CEP170: variants seen among roughly 807,000 people sequenced by gnomAD.
CEP170 encodes centrosomal protein 170, also known as centrosomal protein of 170 kDa.
A neutral mutation model predicts 151.9 loss-of-function variants in CEP170; 21 were observed. That is an observed-to-expected ratio of 0.14 (90% CI 0.10 to 0.20). The LOEUF (loss-of-function observed/expected upper bound fraction) is 0.20. Ranked by LOEUF, CEP170 falls within the 10% of genes least tolerant of loss-of-function variation. The probability of loss-of-function intolerance (pLI) is 1.00; values close to 1 mark genes in which losing one functional copy is unlikely to be tolerated. For missense variants in CEP170, 964 were observed against 1,892.9 expected (o/e 0.51, Z 9.11); for synonymous variants, 356 against 648.8 (o/e 0.55, Z 6.86).
intron 19 of CEP170, among the ~76,000 whole-genome samples, 172 bp downstream of exon 19, chr1:243,128,077 T>G (rs885166): frequency 0.11 from 16,507 of 152,234 alleles, 1,076 homozygotes; most frequent in Non-Finnish European, 0.14. Flanking sequence ...ATTTTTATAC[T>G]GGGTTTAAAA....
At chr1:243,227,202 G>A (rs932364111) in intron 1 of CEP170, among the ~76,000 whole-genome samples, 1 of 151,970 alleles carries the variant, frequency 6.6e-6, no homozygotes, top group Non-Finnish European at 1.5e-5. Flanking sequence ...TTAAGCTCAT[G>A]ATGGCAGAAT....
intron 7 of CEP170, among the ~76,000 whole-genome samples, chr1:243,196,657 T>A (rs1020796289): frequency 1.3e-5 from 2 of 152,136 alleles, no homozygotes; most frequent in African/African-American, 4.8e-5. Context: ...GTGATAATTA[T>A]ATTCAGCTAT....
chr1:243,159,763 T>TGTGTGTGTGTGTGTGTGTGTGTGTGTG (rs2057892319), intron 13 of CEP170, among the ~76,000 whole-genome samples: 4 of 127,164 alleles, frequency 3.1e-5, no homozygotes, highest in East Asian at 4.7e-4. Flanking sequence ...GTTTCCGGTT[T>TGTGTGTGTGTGTGTGTGTGTGTGTGTG]TGTGTGTGTG....
At chr1:243,216,090 A>T (rs2062254108) in intron 3 of CEP170, among the ~76,000 whole-genome samples, 1 of 152,124 alleles carries the variant, frequency 6.6e-6, no homozygotes, top group Non-Finnish European at 1.5e-5. Context: ...AAATTTATAG[A>T]ACACAGAACA....
intron 13 of CEP170, among the ~76,000 whole-genome samples, chr1:243,158,664 A>G (rs1343011467): frequency 5.9e-5 from 9 of 152,208 alleles, no homozygotes; most frequent in African/African-American, 1.9e-4. Flanking sequence ...CATTTTGAGG[A>G]AAAAAGTACG....
chr1:243,130,215 T>C (rs902544751), intron 17 of CEP170, among the ~76,000 whole-genome samples: 2 of 152,148 alleles, frequency 1.3e-5, no homozygotes, highest in Non-Finnish European at 2.9e-5. Flanking sequence ...GTATAAACAA[T>C]TGTGTCTGTT....
intron 4 of CEP170, chr1:243,211,139 G>A (rs1572329441): frequency 6.7e-6 from 1 of 148,506 alleles, no homozygotes; most frequent in African/African-American, 2.5e-5. Context: ...TCAGCATTAT[G>A]TGGAATAGCT....
At chr1:243,253,581 C>T (rs2066156829) in intron 1 of CEP170, among the ~76,000 whole-genome samples, 1 of 152,172 alleles carries the variant, frequency 6.6e-6, no homozygotes. Flanking sequence ...CAGAAAAATA[C>T]ATAAGTTGCT....
chr1:243,158,721 G>A (rs547387125), intron 13 of CEP170, among the ~76,000 whole-genome samples: 3 of 152,190 alleles, frequency 2.0e-5, no homozygotes, highest in Admixed American at 2.0e-4. Context: ...TCATAGGCTG[G>A]TCTACCTAGA....
At chr1:243,189,772 G>C (rs1188447792) in intron 8 of CEP170, among the ~76,000 whole-genome samples, 1 of 151,908 alleles carries the variant, frequency 6.6e-6, no homozygotes, top group Non-Finnish European at 1.5e-5. Flanking sequence ...TGTACTAGGA[G>C]ATCAATATTA....
intron 1 of CEP170, among the ~76,000 whole-genome samples, chr1:243,238,313 G>T (rs552241190): frequency 1.3e-5 from 2 of 152,236 alleles, no homozygotes; most frequent in Non-Finnish European, 2.9e-5. Context: ...TAAATAAATT[G>T]CCAGGTGTGG....
At chr1:243,226,049 A>G (rs570258374) in intron 1 of CEP170, among the ~76,000 whole-genome samples, 1 of 9,828 alleles carries the variant, frequency 1.0e-4, no homozygotes, top group Non-Finnish European at 7.8e-4. Flanking sequence ...CTCTAGATAT[A>G]TATATCTAGA....
At chr1:243,168,006 T>C (rs1185695466) in intron 12 of CEP170, among the ~76,000 whole-genome samples, 1 of 151,982 alleles carries the variant, frequency 6.6e-6, no homozygotes, top group African/African-American at 2.4e-5. Context: ...AGCTAAGTGG[T>C]CTATTATTTT....
chr1:243,182,844 G>T (rs2059709703), intron 10 of CEP170, among the ~76,000 whole-genome samples: 1 of 152,178 alleles, frequency 6.6e-6, no homozygotes, highest in Non-Finnish European at 1.5e-5. Context: ...GGTTCCTACA[G>T]TCATGGAGTT....
intron 1 of CEP170, among the ~76,000 whole-genome samples, chr1:243,251,031 A>G (rs2065889715): frequency 6.6e-6 from 1 of 152,352 alleles, no homozygotes; most frequent in East Asian, 1.9e-4. Flanking sequence ...GTGTCCTAAC[A>G]TTTAGACAAG....
intron 3 of CEP170, among the ~76,000 whole-genome samples, chr1:243,217,198 C>T (rs1393532942): frequency 1.3e-5 from 2 of 152,148 alleles, no homozygotes; most frequent in South Asian, 2.1e-4. Context: ...TGTGGTCTGC[C>T]GTTATGGGAT....
intron 4 of CEP170, among the ~76,000 whole-genome samples, chr1:243,204,303 A>G (rs1394939633): frequency 6.6e-6 from 1 of 152,192 alleles, no homozygotes; most frequent in Non-Finnish European, 1.5e-5. Flanking sequence ...AAACAGTGGT[A>G]TATATAGTGC....
chr1:243,207,107 T>C lies in CEP170; in HGVS notation c.274+4779A>G, dbSNP rs754577126. Among the ~76,000 whole-genome samples, 57 of 152,244 alleles carry C rather than the reference T, an allele frequency of 3.7e-4. 1 individual carries two copies. The highest frequency in any genetic ancestry group is 6.8e-4 in the Non-Finnish European group (46 of 68,002). ...ATTATCACAATAAATGTGAATGGCCTACATCACCAAATAAAAGTAAAAATT... is the reference window on the plus strand; with the variant it reads ...ATTATCACAATAAATGTGAATGGCCCACATCACCAAATAAAAGTAAAAATT... On this transcript the variant is annotated intron_variant, in intron 4 of 19. Coordinates refer to ENST00000366542, the MANE Select transcript of CEP170 (RefSeq NM_014812.3).
chr1:243,138,484 C>T (rs187831286), intron 16 of CEP170, among the ~76,000 whole-genome samples: 203 of 152,252 alleles, frequency 1.3e-3, no homozygotes, highest in Non-Finnish European at 2.2e-3. Context: ...ATTCCTAAAT[C>T]CAGGGATCCA....
Sources: allele counts gnomAD v4.1 joint callset (sites outside exome capture counted in the v4.1 genomes callset), GRCh38; gene constraint gnomAD v4.1.1; transcripts MANE v1.5; gene names NCBI Gene and HGNC (gene_info 2026-07-23, HGNC 2026-07-21).